KIF12: variants seen among roughly 807,000 people sequenced by gnomAD.
KIF12 encodes the protein kinesin family member 12.
In KIF12, 80 loss-of-function variants were observed where a neutral mutation model predicts 87.9. The ratio of observed to expected loss-of-function variants is 0.91; its 90% CI spans 0.76 to 1.10. The LOEUF (loss-of-function observed/expected upper bound fraction) is 1.10, where lower values mean the gene tolerates loss of function less well. KIF12 is among the 50% of genes least tolerant of loss of function. The pLI is 0.00. For missense variants in KIF12, 819 were observed against 865.3 expected (o/e 0.95, Z 0.67); for synonymous variants, 353 against 348.5 (o/e 1.01, Z -0.14).
intron 16 of KIF12, chr9:114,092,993 G>C: frequency 7.5e-7 from 1 of 1,329,558 alleles, no homozygotes; most frequent in Non-Finnish European, 1.0e-6. Context: ...ATATGTGAGT[G>C]AATGAATAAG....
In KIF12 at chr9:114,094,175, C is replaced by T; in HGVS notation, c.1313+6G>A. ...AGCATCCCTCTGGCTGTGGGCTGTG[C>T]CCTACCTGAGCCTCTCATTCTCTAG... On this transcript the variant is annotated splice_donor_region_variant and intron_variant, in intron 13 of 18. Coordinates refer to ENST00000640217, the MANE Select transcript of KIF12 (RefSeq NM_001388308.1). 1.9e-6 allele frequency: 3 copies of T among 1,612,170 alleles called. No homozygotes were observed. Among genetic ancestry groups the T allele is most frequent in the Non-Finnish European group, 2.5e-6 (3 of 1,178,836 alleles).
intron 5 of KIF12, 131 bp downstream of exon 5, chr9:114,097,984 G>A: frequency 1.9e-6 from 2 of 1,028,580 alleles, no homozygotes; most frequent in South Asian, 3.4e-5. Context: ...CAGCGTCCTC[G>A]TCTGCAAACA....
chr9:114,097,445 G>C lies in KIF12; in HGVS notation c.511-9C>G, dbSNP rs1224256322. The C allele has an allele frequency of 6.3e-7, 1 of 1,586,280 alleles. No individual in the cohort carries two copies. The highest frequency in any genetic ancestry group is 8.6e-7 in the Non-Finnish European group (1 of 1,167,574). Reference sequence around the variant, plus strand: ...CTCAGCAAGTCCCGAACCTGGGAGGGGAGGGAGGAGGGTGAGGGAAGGGGA... The same window carrying C: ...CTCAGCAAGTCCCGAACCTGGGAGGCGAGGGAGGAGGGTGAGGGAAGGGGA... On this transcript the variant is annotated splice_polypyrimidine_tract_variant and intron_variant, in intron 6 of 18. Transcript: ENST00000640217.
At chr9:114,097,789 A>AC (rs1209032299) in intron 5 of KIF12, 48 bp from the exon 6 acceptor site, 2 of 1,580,118 alleles carry the variant, frequency 1.3e-6, no homozygotes, top group South Asian at 2.3e-5. Context: ...AGTAATAACT[A>AC]CCCTCTGTAG....
At position 114,096,206 on chromosome 9, in the gene KIF12, G is replaced by A. The variant is rs754145219; in HGVS notation, c.740C>T (p.Ala247Val). The A allele has an allele frequency of 8.1e-6, 13 of 1,613,790 alleles. No homozygotes were observed. Among genetic ancestry groups the A allele is most frequent in the Non-Finnish European group, 1.0e-5 (12 of 1,179,888 alleles). ...LLTLYISRQT[A>V]QQMPSVDPGE... Reference sequence around the variant, plus strand: ...AGGGTCCACAGAAGGCATCTGCTGGGCCTGAGGGATCAGAGCTTCATGGGG... The same window carrying A: ...AGGGTCCACAGAAGGCATCTGCTGGACCTGAGGGATCAGAGCTTCATGGGG... The change falls in exon 9 of 19, where the codon GCC (alanine) becomes GTC (valine). Residue 247 changes from alanine (A) to valine (V), a missense_variant and splice_region_variant. Transcript: ENST00000640217.
rs562865979 is a variant in KIF12 at position 114,092,560 on chromosome 9, G to T, written c.1679C>A (p.Ala560Asp). 1 of 1,611,012 alleles carries T rather than the reference G, an allele frequency of 6.2e-7. No homozygotes were observed. Among genetic ancestry groups the T allele is most frequent in the African/African-American group, 1.3e-5 (1 of 74,884 alleles). Residue 560 changes from alanine to aspartate, a missense_variant, in exon 17 of 19, where the codon GCC becomes GAC. Coordinates refer to ENST00000640217, the MANE Select transcript of KIF12 (RefSeq NM_001388308.1). ...GACCCACCTCTCTCTTGGGCACTTG[G>T]CAGAGCCAGGGCTGCATGGGGGTGC... Reference protein sequence around the residue: ...PWAPPCSPGSAKCPRERSHSD... With the variant: ...PWAPPCSPGSDKCPRERSHSD...
Position 114,098,945 on chromosome 9 carries a change from C to T in KIF12, c.161G>A (p.Arg54Gln), listed in dbSNP as rs1847366437. 2.6e-6 allele frequency: 4 copies of T among 1,548,726 alleles called. No homozygotes were observed. The highest frequency in any genetic ancestry group is 3.5e-6 in the Non-Finnish European group (4 of 1,145,970). ...AGAGGGGTTCCTCACCTGCAGAGTCCGGGTCCCTGAGCAGTGCAGCACGCT... is the reference window on the plus strand; with the variant it reads ...AGAGGGGTTCCTCACCTGCAGAGTCTGGGTCCCTGAGCAGTGCAGCACGCT... Reference protein sequence around the residue: ...QQSVLHCSGTRTLQVSPPGGG... With the variant: ...QQSVLHCSGTQTLQVSPPGGG... The change falls in exon 3 of 19, where the codon CGG (arginine) becomes CAG (glutamine). Residue 54 changes from arginine to glutamine, a missense_variant. By Grantham distance (43) the Arg-to-Gln change is conservative. Coordinates refer to ENST00000640217, the MANE Select transcript of KIF12 (RefSeq NM_001388308.1).
chr9:114,092,692 T>C, intron 16 of KIF12, 50 bp from the exon 17 acceptor site: 1 of 1,539,184 alleles, frequency 6.5e-7, no homozygotes, highest in Non-Finnish European at 8.7e-7. Context: ...CCTGCCTCTC[T>C]GTGTCCCACC....
Position 114,097,303 on chromosome 9 carries a change from G to C in KIF12, c.644C>G (p.Thr215Arg), listed in dbSNP as rs752096306. The C allele has an allele frequency of 6.2e-7, 1 of 1,609,048 alleles. No homozygotes were observed. Among genetic ancestry groups the C allele is most frequent in the East Asian group, 2.2e-5 (1 of 44,718 alleles). The part of the protein sequence containing the change: ...SLEALMELLQ[T>R]GLSRRRNSAH... ...AACTCCCCGCTGTCAGCACACACCC[G>C]TTTGCAAAAGTTCCATCAGGGCCTC... Residue 215 changes from threonine (T) to arginine (R), a missense_variant and splice_region_variant, in exon 7 of 19, where the codon ACG (threonine) becomes AGG (arginine). Physicochemically the swap from Thr to Arg is moderately conservative, Grantham distance 71. Transcript: ENST00000640217.
In KIF12 at chr9:114,092,599, C is replaced by A; in HGVS notation, c.1640G>T (p.Arg547Leu). The A allele has an allele frequency of 6.2e-7, 1 of 1,603,486 alleles. No individual in the cohort carries two copies. ...EASGGRPPSA[R>L]PPPWAPPCSP... The stretch of plus-strand genomic sequence containing the variant: ...GCATGGGGGTGCCCAGGGTGGGGGC[C>A]GGGCAGATGGGGGCCTGCCACCTGA... Residue 547 changes from arginine (R) to leucine (L), a missense_variant, in exon 17 of 19, where the codon CGG becomes CTG. Transcript: ENST00000640217.
In KIF12 at chr9:114,093,896, C is replaced by A. The variant is rs1247275516; in HGVS notation, c.1390G>T (p.Ala464Ser). ...EQRILAQQVH[A>S]LERRLLSACY... ...GGTGGCTCTGCTTACCTCTCTAGTG[C>A]ATGGACCTGCTGGGCCAGGATGCGC... The change falls in exon 14 of 19, where the codon GCA becomes TCA. Residue 464 changes from alanine (A) to serine (S), a missense_variant. Coordinates refer to ENST00000640217, the MANE Select transcript of KIF12 (RefSeq NM_001388308.1). The A allele has an allele frequency of 1.2e-6, 2 of 1,613,966 alleles. No individual in the cohort carries two copies.
chr9:114,098,029 T>G (rs1847308812), intron 5 of KIF12, 86 bp downstream of exon 5: 1 of 1,323,912 alleles, frequency 7.6e-7, no homozygotes, highest in Admixed American at 2.6e-5. Flanking sequence ...GCCCCTTCCC[T>G]CTGGGAGTCT....
intron 3 of KIF12, 26 bp from the exon 4 acceptor site, chr9:114,098,455 G>A (rs1365709233): frequency 1.3e-6 from 2 of 1,484,518 alleles, no homozygotes; most frequent in African/African-American, 1.4e-5. Flanking sequence ...CGGAGGAGCG[G>A]GGCACTCTGG....
chr9:114,094,189 C>T lies in KIF12; in HGVS notation c.1305G>A (p.Glu435=), dbSNP rs1442948522. 1.2e-6 allele frequency: 2 copies of T among 1,613,612 alleles called. No individual in the cohort carries two copies. The highest frequency in any genetic ancestry group is 1.1e-5 in the South Asian group (1 of 91,074). ...TGTGGGCTGTGCCCTACCTGAGCCT[C>T]TCATTCTCTAGCATGAACTCCTGTA... ...GMLQEFMLEN[E]RLRKEKSQLQ... Residue 435 remains glutamate, a synonymous_variant, in exon 13 of 19, where the codon GAG becomes GAA. Transcript: ENST00000640217.
rs1847034179 is a variant in KIF12, at chr9:114,092,440, T to C, written c.1709A>G (p.Asp570Gly). 4 of 1,613,514 alleles carry C rather than the reference T, an allele frequency of 2.5e-6. No homozygotes were observed. The highest frequency in any genetic ancestry group is 3.4e-6 in the Non-Finnish European group (4 of 1,179,838). Residue 570 changes from aspartate (D) to glycine (G), a missense_variant, in exon 18 of 19, where the codon GAC (aspartate) becomes GGC (glycine). Transcript: ENST00000640217. ...TGCCAGGACTCGGGTCTGAGTCCAG[T>C]CACTGTGACTCCTGGGCCAGGGTGA... Reference protein sequence around the residue: ...AKCPRERSHSDWTQTRVLAEM... With the variant: ...AKCPRERSHSGWTQTRVLAEM...
At chr9:114,095,904 G>T in intron 9 of KIF12, 147 bp downstream of exon 9, 2 of 837,064 alleles carry the variant, frequency 2.4e-6, no homozygotes, top group Non-Finnish European at 3.7e-6. Flanking sequence ...CAGAGCTGGG[G>T]CCAGAATGGG....
At chr9:114,097,804 T>G in intron 5 of KIF12, 63 bp from the exon 6 acceptor site, 2 of 1,530,596 alleles carry the variant, frequency 1.3e-6, no homozygotes, top group Non-Finnish European at 1.8e-6. Flanking sequence ...CTGTAGCGCA[T>G]GTATGATACC....
chr9:114,099,141 G>A lies in KIF12; in HGVS notation c.55C>T (p.Pro19Ser), dbSNP rs1438020046. 3.9e-6 allele frequency: 6 copies of A among 1,550,568 alleles called. No homozygotes were observed. In the East Asian group the frequency reaches 1.2e-4, roughly 32 times the overall value. ...TGGATGGGCGTTTCCGGCCCCTCTG[G>A]CCCTTGCTCCAGGCTCCGCGCGAGA... ...GDLARSLEQG[P>S]EGPETPIQVV... is the part of the protein sequence containing the mutation. The change falls in exon 2 of 19, where the codon CCA becomes TCA. Residue 19 changes from proline (P) to serine (S), a missense_variant. Pro to Ser is a moderately conservative substitution (Grantham distance 74). Coordinates refer to ENST00000640217, the MANE Select transcript of KIF12 (RefSeq NM_001388308.1).
Position 114,094,393 on chromosome 9 carries a change from G to A in KIF12, c.1182C>T (p.Asn394=). ...ETEMLQLQEE[N]RRLQFQLDQM... is the part of the protein sequence containing the mutation. ...GGTCCAGCTGGAACTGCAGGCGACG[G>A]TTCTCCTCCTGGAGCTGCAGCATCT... The change falls in exon 12 of 19, where the codon AAC becomes AAT. Residue 394 remains asparagine, a synonymous_variant. Transcript: ENST00000640217. The A allele has an allele frequency of 1.9e-6, 3 of 1,614,016 alleles. No homozygotes were observed. The highest frequency in any genetic ancestry group is 2.2e-5 in the South Asian group (2 of 91,066).
Sources: gnomAD v4.1 joint callset for allele counts on GRCh38, gnomAD v4.1.1 for gene constraint, MANE v1.5 for transcripts, NCBI Gene and HGNC (gene_info 2026-07-23, HGNC 2026-07-21) for gene names.